UIMC1: variants seen among roughly 807,000 people sequenced by gnomAD.
UIMC1 encodes ubiquitin interaction motif containing 1, also known as BRCA1-A complex subunit RAP80.
UIMC1 carries 42 observed loss-of-function variants against 84.9 expected under a neutral mutation model. The ratio of observed to expected loss-of-function variants is 0.49; its 90% CI spans 0.39 to 0.64. The LOEUF (loss-of-function observed/expected upper bound fraction) is 0.64. Among genes scored for constraint, UIMC1 ranks in the 30% least tolerant of loss-of-function variants. The pLI, the probability that UIMC1 is intolerant of heterozygous loss-of-function variation, is 0.00. For missense variants in UIMC1, 825 were observed against 847.6 expected, an observed-to-expected ratio of 0.97 and a Z score of 0.33; for synonymous variants, 281 against 293.0, an observed-to-expected ratio of 0.96 and a Z score of 0.42.
chr5:176,916,187 T>C (rs1306689097), intron 10 of UIMC1, among the ~76,000 whole-genome samples: 1 of 152,148 alleles, frequency 6.6e-6, no homozygotes, highest in East Asian at 1.9e-4. Context: ...GGCAGAGAAT[T>C]CATTATGAAA....
intron 9 of UIMC1, among the ~76,000 whole-genome samples, chr5:176,947,648 C>T (rs146660724): frequency 0.028 from 4,253 of 151,968 alleles, 125 homozygotes; most frequent in Middle Eastern, 0.12. Context: ...GAAACCCCAT[C>T]TCTACTAAAA....
intron 11 of UIMC1, among the ~76,000 whole-genome samples, chr5:176,909,397 G>A (rs1298457016): frequency 6.6e-6 from 1 of 152,194 alleles, no homozygotes; most frequent in Non-Finnish European, 1.5e-5. Context: ...TATTTTCTCT[G>A]TGGTGAGAAC....
At chr5:176,956,858 A>T (rs1561820290) in intron 7 of UIMC1, among the ~76,000 whole-genome samples, 2 of 152,128 alleles carry the variant, frequency 1.3e-5, no homozygotes, top group African/African-American at 4.8e-5. Flanking sequence ...ATAGAAAACC[A>T]CAAGTGATTT....
chr5:176,911,770 T>A (rs1048192857), intron 10 of UIMC1, among the ~76,000 whole-genome samples: 2 of 152,134 alleles, frequency 1.3e-5, no homozygotes, highest in Non-Finnish European at 2.9e-5. Flanking sequence ...CTCTATGAAA[T>A]ATAGTAATGA....
intron 6 of UIMC1, 109 bp from the exon 7 acceptor site, chr5:176,958,263 T>G (rs988235726): frequency 2.5e-4 from 217 of 855,198 alleles, no homozygotes; most frequent in East Asian, 1.3e-4. Context: ...CAATTAACAA[T>G]AAGAAGAAAA....
intron 2 of UIMC1, among the ~76,000 whole-genome samples, chr5:176,979,126 C>T (rs557402429): frequency 1.1e-4 from 16 of 152,200 alleles, no homozygotes; most frequent in African/African-American, 3.4e-4. Flanking sequence ...CATTTATAAA[C>T]AAGATTTTAG....
chr5:176,968,726 AC>A lies in UIMC1; in HGVS notation c.1028del (p.Ser343MetfsTer42). On this transcript the variant is annotated frameshift_variant, in exon 6 of 15. Transcript: ENST00000511320. LOFTEE classifies it high-confidence loss of function. ...CTTCTGAGATGCATTCATTTTTCTC[AC>A]TAGCCTGCTCTCCTTGGCCACATTC... is the stretch of plus-strand genomic sequence containing the variant. ...QNECGQGEQA[S>X]EKNECISEDM... 1 of 1,614,058 alleles carries A rather than the reference AC, an allele frequency of 6.2e-7. No homozygotes were observed. Among genetic ancestry groups the A allele is most frequent in the African/African-American group, 1.3e-5 (1 of 75,000 alleles).
intron 12 of UIMC1, 112 bp from the exon 13 acceptor site, chr5:176,907,289 G>C: frequency 3.0e-6 from 3 of 1,010,550 alleles, no homozygotes; most frequent in Non-Finnish European, 4.4e-6. Context: ...GGGGGCCACA[G>C]CTCTAGGGAA....
chr5:177,002,615 C>CA (rs1667078211), intron 1 of UIMC1, among the ~76,000 whole-genome samples: 1 of 152,110 alleles, frequency 6.6e-6, no homozygotes, highest in African/African-American at 2.4e-5. Context: ...TCCTGGCTAA[C>CA]ACGGTGAAAC....
intron 6 of UIMC1, among the ~76,000 whole-genome samples, chr5:176,965,949 G>A (rs1037609163): frequency 2.6e-5 from 4 of 152,160 alleles, no homozygotes; most frequent in Non-Finnish European, 4.4e-5. Context: ...CAGCATCTCC[G>A]AATTGGAAAG....
chr5:176,906,794 A>G (rs1759445588), intron 13 of UIMC1, among the ~76,000 whole-genome samples: 1 of 152,240 alleles, frequency 6.6e-6, no homozygotes. Context: ...CTGCACATCT[A>G]GTTTACTGTG....
intron 13 of UIMC1, among the ~76,000 whole-genome samples, chr5:176,906,792 C>G (rs1157832749): frequency 6.6e-6 from 1 of 152,218 alleles, no homozygotes; most frequent in African/African-American, 2.4e-5. Context: ...GTCTGCACAT[C>G]TAGTTTACTG....
In UIMC1 at chr5:176,969,122, A is replaced by T. The variant is rs770112647; in HGVS notation, c.633T>A (p.Asn211Lys). ...WDQSSQPVFE[N>K]VNVKSFDRCT... ...ATCTGTCAAAAGATTTAACGTTCAC[A>T]TTCTCAAACACTGGCTGGCTTGACT... The change falls in exon 6 of 15, where the codon AAT becomes AAA. Residue 211 changes from asparagine to lysine, a missense_variant. By Grantham distance (94) the Asn-to-Lys change is moderately conservative (BLOSUM62 0). Transcript: ENST00000511320. 96 of 1,614,078 alleles carry T rather than the reference A, an allele frequency of 5.9e-5. No individual in the cohort carries two copies. The highest frequency in any genetic ancestry group is 8.1e-5 in the Non-Finnish European group (95 of 1,180,044).
At chr5:176,952,896 G>A (rs372073922) in intron 8 of UIMC1, among the ~76,000 whole-genome samples, 10 of 152,184 alleles carry the variant, frequency 6.6e-5, no homozygotes, top group African/African-American at 2.2e-4. Context: ...AACCACCAAT[G>A]TATCTGGAAA....
At chr5:176,980,670 A>AT (rs568800990) in intron 2 of UIMC1, among the ~76,000 whole-genome samples, 5 of 151,872 alleles carry the variant, frequency 3.3e-5, no homozygotes, top group Admixed American at 2.0e-4. Flanking sequence ...TATGTATACA[A>AT]TTTTTTTTAA....
At chr5:176,968,112 G>A (rs147196580) in intron 6 of UIMC1, among the ~76,000 whole-genome samples, 210 of 152,044 alleles carry the variant, frequency 1.4e-3, no homozygotes, top group Non-Finnish European at 2.6e-3. Flanking sequence ...GGTGGCTCAC[G>A]CCTGTAATCC....
chr5:176,973,316 C>G (rs370828837), intron 3 of UIMC1, among the ~76,000 whole-genome samples: 6 of 152,108 alleles, frequency 3.9e-5, no homozygotes, highest in African/African-American at 1.4e-4. Context: ...AAATAAAAAT[C>G]TTTTTATATA....
intron 10 of UIMC1, among the ~76,000 whole-genome samples, chr5:176,939,256 C>CA (rs61615337): frequency 0.26 from 18,627 of 71,162 alleles, 1,535 homozygotes; most frequent in East Asian, 0.32. Context: ...GATCCTGTCT[C>CA]AAAAAAAAAA....
At chr5:176,991,422 GA>G (rs1561901388) in intron 1 of UIMC1, among the ~76,000 whole-genome samples, 1 of 151,950 alleles carries the variant, frequency 6.6e-6, no homozygotes, top group African/African-American at 2.4e-5. Flanking sequence ...CAACTGAGGG[GA>G]AAGAATATGA....
Sources: allele counts gnomAD v4.1 joint callset (sites outside exome capture counted in the v4.1 genomes callset), GRCh38; gene constraint gnomAD v4.1.1; transcripts MANE v1.5; gene names NCBI Gene and HGNC (gene_info 2026-07-23, HGNC 2026-07-21).